COL10A1: variants seen among roughly 807,000 people sequenced by gnomAD.
COL10A1 encodes collagen type X alpha 1 chain.
COL10A1 carries 10 observed loss-of-function variants against 18.2 expected under a neutral mutation model. The observed-to-expected ratio is 0.55, with a 90% CI of 0.34 to 0.93. The LOEUF is 0.93. COL10A1 is among the 40% of genes least tolerant of loss of function. The pLI, the probability that COL10A1 is intolerant of heterozygous loss-of-function variation, is 0.02. For synonymous variants in COL10A1, 330 were observed against 316.6 expected (o/e 1.04, Z -0.45); for missense variants, 897 against 853.5 (o/e 1.05, Z -0.64).
At chr6:116,212,530 G>C in the COL10A1 span, among the ~76,000 whole-genome samples, 2 of 152,070 alleles carry the variant, frequency 1.3e-5, no homozygotes, top group Non-Finnish European at 2.9e-5. Context: ...TTATTAGTAA[G>C]AAAAGATATT....
At chr6:116,146,665 T>G (rs1779905433) in intron 1 of COL10A1, among the ~76,000 whole-genome samples, 1 of 152,196 alleles carries the variant, frequency 6.6e-6, no homozygotes, top group Non-Finnish European at 1.5e-5. Flanking sequence ...TAACTTATGT[T>G]TCTTAAACTT....
At chr6:116,205,890 C>T in the COL10A1 span, among the ~76,000 whole-genome samples, 7 of 151,952 alleles carry the variant, frequency 4.6e-5, no homozygotes, top group Non-Finnish European at 8.8e-5. Flanking sequence ...ATAGGCAAGT[C>T]AGCCTCTCTA....
chr6:116,121,462 T>G lies in COL10A1; in HGVS notation c.654A>C (p.Gly218=). Reference sequence around the variant, plus strand: ...CCCCATTTTCACCTCTTTTTCCCACTCCAGGAGGGCCAGATGGTCCTGTGG... The same window carrying G: ...CCCCATTTTCACCTCTTTTTCCCACGCCAGGAGGGCCAGATGGTCCTGTGG... ...QGPTGPSGPP[G]VGKRGENGVP... Residue 218 remains glycine (G), a synonymous_variant, in exon 3 of 3, where the codon GGA becomes GGC. Coordinates refer to ENST00000651968, the MANE Select transcript of COL10A1 (RefSeq NM_000493.4). 1 of 1,613,972 alleles carries G rather than the reference T, an allele frequency of 6.2e-7. No individual in the cohort carries two copies. Among genetic ancestry groups the G allele is most frequent in the Non-Finnish European group, 8.5e-7 (1 of 1,179,958 alleles).
intron 1 of COL10A1, among the ~76,000 whole-genome samples, chr6:116,142,779 G>C (rs1057469713): frequency 6.6e-6 from 1 of 152,154 alleles, no homozygotes; most frequent in Non-Finnish European, 1.5e-5. Context: ...CTTGTGAACT[G>C]TCTGGCTCAG....
At chr6:116,175,290 A>G in the COL10A1 span, among the ~76,000 whole-genome samples, 1 of 152,130 alleles carries the variant, frequency 6.6e-6, no homozygotes, top group South Asian at 2.1e-4. Flanking sequence ...ACTATAGGTT[A>G]GTTTTAGAAA....
chr6:116,173,398 A>C, the COL10A1 span, among the ~76,000 whole-genome samples: 344 of 152,308 alleles, frequency 2.3e-3, 2 homozygotes, highest in African/African-American at 8.1e-3. Flanking sequence ...GAAAACACTG[A>C]CGGTTCCTTC....
At chr6:116,149,341 T>C (rs145987178) in intron 1 of COL10A1, among the ~76,000 whole-genome samples, 1 of 152,360 alleles carries the variant, frequency 6.6e-6, no homozygotes, top group East Asian at 1.9e-4. Context: ...TTCTGTATAC[T>C]AACTTATTCT....
rs767754890 is a variant in COL10A1 at position 116,120,993 on chromosome 6, C to T, written c.1123G>A (p.Ala375Thr). The T allele has an allele frequency of 1.2e-6, 2 of 1,614,000 alleles. No homozygotes were observed. The highest frequency in any genetic ancestry group is 1.1e-5 in the South Asian group (1 of 91,082). Residue 375 changes from alanine (A) to threonine (T), a missense_variant, in exon 3 of 3, where the codon GCT becomes ACT. Physicochemically the swap from Ala to Thr is moderately conservative, Grantham distance 58. Coordinates refer to ENST00000651968, the MANE Select transcript of COL10A1 (RefSeq NM_000493.4). ...GPAGPAGYPGAKGERGSPGSD... is the reference protein window; with the variant it reads ...GPAGPAGYPGTKGERGSPGSD... ...CCAGGGGAACCCCTTTCACCCTTAG[C>T]CCCAGGGTATCCTGCAGGCCCAGCT... is the stretch of plus-strand genomic sequence containing the variant.
chr6:116,131,566 T>G (rs2114331965), intron 1 of COL10A1, among the ~76,000 whole-genome samples: 1 of 152,308 alleles, frequency 6.6e-6, no homozygotes, highest in East Asian at 1.9e-4. Context: ...TCTGCATTCC[T>G]TTTTACAGCT....
At chr6:116,196,444 C>A in the COL10A1 span, among the ~76,000 whole-genome samples, 1 of 152,036 alleles carries the variant, frequency 6.6e-6, no homozygotes, top group East Asian at 1.9e-4. Flanking sequence ...TTTCCCCAAA[C>A]TATAAATCAA....
chr6:116,195,383 A>G, the COL10A1 span, among the ~76,000 whole-genome samples: 5 of 152,028 alleles, frequency 3.3e-5, no homozygotes, highest in African/African-American at 1.2e-4. Context: ...TATTAAGTTT[A>G]CCTTAACTTT....
the COL10A1 span, among the ~76,000 whole-genome samples, chr6:116,166,254 T>C: frequency 6.6e-6 from 1 of 152,162 alleles, no homozygotes; most frequent in South Asian, 2.1e-4. Context: ...CCCTAAGCTT[T>C]CCATTCAGAT....
upstream of COL10A1, among the ~76,000 whole-genome samples, chr6:116,130,388 G>A (rs1582821843): frequency 6.6e-6 from 1 of 152,052 alleles, no homozygotes; most frequent in South Asian, 2.1e-4. Flanking sequence ...CCCATTTTTG[G>A]CCAGTGAGAG....
chr6:116,137,734 A>G (rs965263914), intron 1 of COL10A1, among the ~76,000 whole-genome samples: 2 of 152,210 alleles, frequency 1.3e-5, no homozygotes, highest in Non-Finnish European at 2.9e-5. Flanking sequence ...TGCAATACGT[A>G]CCTGTTTATA....
At chr6:116,161,818 C>G (rs1780339461), upstream of COL10A1, among the ~76,000 whole-genome samples, 1 of 152,108 alleles carries the variant, frequency 6.6e-6, no homozygotes, top group Non-Finnish European at 1.5e-5. Flanking sequence ...TTGCTTTGGG[C>G]AGTATAGTCA....
upstream of COL10A1, among the ~76,000 whole-genome samples, chr6:116,163,141 A>AAAAAAAAATATATATAT (rs761718922): frequency 5.7e-5 from 5 of 88,396 alleles, no homozygotes; most frequent in African/African-American, 2.9e-4. Flanking sequence ...AAAAAAAAAA[A>AAAAAAAAATATATATAT]ATATATATAT....
the COL10A1 span, among the ~76,000 whole-genome samples, chr6:116,181,855 A>G: frequency 6.6e-6 from 1 of 152,194 alleles, no homozygotes; most frequent in Non-Finnish European, 1.5e-5. Context: ...GTGCAATTCC[A>G]ACCAAAATTT....
At chr6:116,147,754 C>T (rs891218814) in intron 1 of COL10A1, among the ~76,000 whole-genome samples, 20 of 152,054 alleles carry the variant, frequency 1.3e-4, no homozygotes, top group African/African-American at 4.4e-4. Context: ...ATTACAGATA[C>T]GGTTGCATGT....
chr6:116,122,664 C>T (rs921926788), intron 2 of COL10A1, among the ~76,000 whole-genome samples: 5 of 152,130 alleles, frequency 3.3e-5, no homozygotes, highest in Non-Finnish European at 5.9e-5. Flanking sequence ...AATCATAGTG[C>T]CTGTGATGTG....
Sources: gnomAD v4.1 joint callset for allele counts (sites outside exome capture counted in the v4.1 genomes callset) on GRCh38, gnomAD v4.1.1 for gene constraint, MANE v1.5 for transcripts, NCBI Gene and HGNC (gene_info 2026-07-23, HGNC 2026-07-21) for gene names.